Variants in MYOM2 observed in about 807,000 individuals in gnomAD.
The protein encoded by MYOM2 is myomesin 2.
In MYOM2, 254 loss-of-function variants were observed where a neutral mutation model predicts 187.6. The ratio of observed to expected loss-of-function variants is 1.35; its 90% confidence interval spans 1.22 to 1.50. MYOM2 has a LOEUF of 1.50. Among genes scored for constraint, MYOM2 ranks in the 40% most tolerant of loss-of-function variants. The pLI is 0.00. For synonymous variants in MYOM2, 981 were observed against 753.8 expected (o/e 1.30, Z -4.94); for missense variants, 2,796 against 1,924.0 (o/e 1.45, Z -8.48).
At chr8:2,091,679 C>T (rs1221444536) in intron 15 of MYOM2, among the ~76,000 whole-genome samples, 1 of 152,230 alleles carries the variant, frequency 6.6e-6, no homozygotes, top group Non-Finnish European at 1.5e-5. Context: ...AACTGAAGCT[C>T]TTAGAACTCA....
chr8:2,108,066 G>C (rs1402502768), intron 23 of MYOM2, among the ~76,000 whole-genome samples: 1 of 152,040 alleles, frequency 6.6e-6, no homozygotes, highest in African/African-American at 2.4e-5. Context: ...ATTTACTTTT[G>C]GGCAGAAAAA....
At chr8:2,099,609 G>A (rs1029692985) in intron 19 of MYOM2, among the ~76,000 whole-genome samples, 4 of 152,148 alleles carry the variant, frequency 2.6e-5, no homozygotes, top group African/African-American at 7.2e-5. Flanking sequence ...GTTTTGAGAT[G>A]AGGTCTCTCT....
At chr8:2,137,564 T>TTGTG (rs35420025) in intron 32 of MYOM2, among the ~76,000 whole-genome samples, 48 of 150,206 alleles carry the variant, frequency 3.2e-4, no homozygotes, top group East Asian at 2.0e-3. Context: ...CTGTGCCTGG[T>TTGTG]TGTGTGTGTG....
intron 25 of MYOM2, 33 bp downstream of exon 25, chr8:2,109,564 C>T: frequency 6.3e-7 from 1 of 1,581,000 alleles, no homozygotes. Context: ...TCTGGCTTTG[C>T]AGGGAGTCCA....
chr8:2,071,246 T>A (rs1472983001), intron 8 of MYOM2, among the ~76,000 whole-genome samples: 1 of 152,120 alleles, frequency 6.6e-6, no homozygotes, highest in African/African-American at 2.4e-5. Flanking sequence ...TCTCCCACCT[T>A]GGCCTCCCAA....
At position 2,100,866 on chromosome 8, in the gene MYOM2, G is replaced by T; in HGVS notation, c.2441-10G>T. ...TGCGCGCAGAAACAAGGTGGCATCTGACTTCACAGGTCCTGCCTACGACTT... is the reference window on the plus strand; with the variant it reads ...TGCGCGCAGAAACAAGGTGGCATCTTACTTCACAGGTCCTGCCTACGACTT... On this transcript the variant is annotated splice_polypyrimidine_tract_variant and intron_variant, in intron 19 of 36. Coordinates refer to ENST00000262113, the MANE Select transcript of MYOM2 (RefSeq NM_003970.4). 1 of 1,613,850 alleles carries T rather than the reference G, an allele frequency of 6.2e-7. No homozygotes were observed. The highest frequency in any genetic ancestry group is 1.1e-5 in the South Asian group (1 of 91,060).
chr8:2,079,741 A>G (rs1173234677), intron 13 of MYOM2, 128 bp downstream of exon 13: 2 of 996,248 alleles, frequency 2.0e-6, no homozygotes, highest in Non-Finnish European at 3.2e-6. Context: ...TGAAAACCGC[A>G]GGTCAGGCCT....
In MYOM2 at chr8:2,079,020, C is replaced by T. The variant is rs79587179; in HGVS notation, c.1462+87C>T. On this transcript the variant is annotated intron_variant, in intron 12 of 36. Transcript: ENST00000262113. The stretch of plus-strand genomic sequence containing the variant: ...TTTGTTGTCTCTTTCCCTCCCAACT[C>T]GATGTGAGCCCTGAGAATGCCCTGT... 381 of 1,305,192 alleles carry T rather than the reference C, an allele frequency of 2.9e-4. No homozygotes were observed. In the East Asian group the frequency reaches 7.3e-3, roughly 25 times the overall value. The allele number at this position is 1,305,192 out of a possible 1,614,324, so 80.9% of individuals were successfully genotyped here. A position where few individuals can be genotyped will look rare whatever the true frequency, so the allele number is the denominator to read the frequency against.
At chr8:2,092,573 G>A (rs2235123) in intron 16 of MYOM2, 53 bp downstream of exon 16, 519,183 of 1,580,398 alleles carry the variant, frequency 0.33, 89,145 homozygotes, top group Middle Eastern at 0.37. Flanking sequence ...TAGCAAGACC[G>A]TTGAGGTCCC....
intron 33 of MYOM2, 34 bp downstream of exon 33, chr8:2,140,920 C>G (rs115413109): frequency 6.4e-7 from 1 of 1,567,562 alleles, no homozygotes; most frequent in Non-Finnish European, 8.7e-7. Context: ...TTAATAATTT[C>G]CTATTTAGAA....
chr8:2,052,635 A>G (rs973996503), intron 3 of MYOM2, among the ~76,000 whole-genome samples: 2 of 152,240 alleles, frequency 1.3e-5, no homozygotes, highest in African/African-American at 4.8e-5. Context: ...TTAGAGCTCC[A>G]GGGTCCGTGG....
rs778397023 is a variant in MYOM2, at chr8:2,106,415, A to G, written c.2891+17A>G. 12 of 1,612,560 alleles carry G rather than the reference A, an allele frequency of 7.4e-6. No individual in the cohort carries two copies. The highest frequency in any genetic ancestry group is 2.2e-5 in the East Asian group (1 of 44,868). On this transcript the variant is annotated intron_variant, in intron 22 of 36. Transcript: ENST00000262113. ...GGGGGATCAGTAAGTGAGGCCTGGAAGTTGGATACTGGAAACTTTTAGAAG... is the reference window on the plus strand; with the variant it reads ...GGGGGATCAGTAAGTGAGGCCTGGAGGTTGGATACTGGAAACTTTTAGAAG...
Position 2,062,210 on chromosome 8 carries a change from G to A in MYOM2, c.653+2965G>A, listed in dbSNP as rs141926714. On this transcript the variant is annotated intron_variant, in intron 6 of 36. Coordinates refer to ENST00000262113, the MANE Select transcript of MYOM2 (RefSeq NM_003970.4). Reference sequence around the variant, plus strand: ...CCCTGCAGATCACGGGGACCCCGTGGGCCATTGTAAGGACATTGGCTTTGC... The same window carrying A: ...CCCTGCAGATCACGGGGACCCCGTGAGCCATTGTAAGGACATTGGCTTTGC... Among the ~76,000 whole-genome samples, 311 of 152,310 alleles carry A rather than the reference G, an allele frequency of 2.0e-3. 4 individuals are homozygous for A. Among genetic ancestry groups the A allele is most frequent in the African/African-American group, 6.9e-3 (286 of 41,572 alleles).
chr8:2,062,528 A>G (rs148575194), intron 6 of MYOM2, among the ~76,000 whole-genome samples: 86 of 152,270 alleles, frequency 5.6e-4, no homozygotes, highest in African/African-American at 2.0e-3. Flanking sequence ...TGTGGCCATC[A>G]CAGCGGGGTA....
Position 2,106,275 on chromosome 8 carries a change from A to C in MYOM2, c.2768A>C (p.Gln923Pro), listed in dbSNP as rs1796885872. The C allele has an allele frequency of 6.2e-7, 1 of 1,614,046 alleles. No homozygotes were observed. The highest frequency in any genetic ancestry group is 1.1e-5 in the South Asian group (1 of 91,084). Residue 923 changes from glutamine to proline, a missense_variant, in exon 22 of 37, where the codon CAA (glutamine) becomes CCA (proline). Gln to Pro is a moderately conservative substitution (Grantham distance 76). Coordinates refer to ENST00000262113, the MANE Select transcript of MYOM2 (RefSeq NM_003970.4). ...TKEISAGVDE[Q>P]GNIYLGFDCQ... is the part of the protein sequence containing the mutation. ...GAAATCAGTGCTGGTGTCGATGAAC[A>C]AGGCAACATCTATCTGGGCTTCGAC...
At chr8:2,073,922 A>C (rs1256157160) in intron 10 of MYOM2, among the ~76,000 whole-genome samples, 1 of 152,132 alleles carries the variant, frequency 6.6e-6, no homozygotes, top group Non-Finnish European at 1.5e-5. Context: ...ACTTTGGCTT[A>C]AGAGAGGCAG....
intron 36 of MYOM2, among the ~76,000 whole-genome samples, chr8:2,143,937 A>T (rs1798367400): frequency 6.6e-6 from 1 of 152,262 alleles, no homozygotes. Context: ...CACATCGTGG[A>T]AGCCACTTAT....
chr8:2,067,968 G>T (rs1444103717), intron 6 of MYOM2, among the ~76,000 whole-genome samples: 1 of 152,120 alleles, frequency 6.6e-6, no homozygotes, highest in African/African-American at 2.4e-5. Flanking sequence ...TTGTCACTTA[G>T]AAGTTAATCG....
chr8:2,126,405 ACAC>A (rs1797636135), intron 31 of MYOM2, among the ~76,000 whole-genome samples: 1 of 150,714 alleles, frequency 6.6e-6, no homozygotes, highest in Non-Finnish European at 1.5e-5. Flanking sequence ...AGTCACACAC[ACAC>A]GATTTCCCAC....
Sources: allele counts gnomAD v4.1 joint callset (sites outside exome capture counted in the v4.1 genomes callset), GRCh38; gene constraint gnomAD v4.1.1; transcripts MANE v1.5; gene names NCBI Gene and HGNC (gene_info 2026-07-23, HGNC 2026-07-21).